The following WASF1 variants were observed in gnomAD, a reference collection of about 807,000 sequenced individuals.
WASF1 encodes WASP family member 1.
In WASF1, 7 loss-of-function variants were observed where a neutral mutation model predicts 50.5. The ratio of observed to expected loss-of-function variants is 0.14; its 90% CI spans 0.08 to 0.26. WASF1 has a LOEUF of 0.26. Among genes scored for constraint, WASF1 ranks in the 10% least tolerant of loss-of-function variants. WASF1 has a pLI of 1.00. For missense variants in WASF1, 470 were observed against 694.7 expected (o/e 0.68, Z 3.64); for synonymous variants, 205 against 244.0 (o/e 0.84, Z 1.49).
chr6:110,105,632 AAGG>A (rs1773289732), intron 7 of WASF1, 53 bp from the exon 8 acceptor site: 2 of 1,556,904 alleles, frequency 1.3e-6, no homozygotes, highest in African/African-American at 2.7e-5. Flanking sequence ...AATTTTTAAA[AAGG>A]AGGTTATAAC....
In WASF1 at chr6:110,141,619, C is replaced by T. The variant is rs140758240; in HGVS notation, c.-28-13990G>A. On this transcript the variant is annotated intron_variant, in intron 3 of 10. Coordinates refer to ENST00000392589, the MANE Select transcript of WASF1 (RefSeq NM_003931.3). ...TAGAAGGCAAAAATCTTGCCTTACT[C>T]GCCTTACTCAACTTGTATCTCCAAG... Among the ~76,000 whole-genome samples the T allele has an allele frequency of 1.0e-3, 159 of 152,236 alleles. 1 individual carries two copies. Among genetic ancestry groups the T allele is most frequent in the Non-Finnish European group, 1.8e-3 (123 of 68,018 alleles).
chr6:110,166,783 G>A (rs1307815132), intron 2 of WASF1, among the ~76,000 whole-genome samples: 1 of 151,918 alleles, frequency 6.6e-6, no homozygotes, highest in Non-Finnish European at 1.5e-5. Context: ...TCCCTCTGTG[G>A]CTAGTCCTGC....
At chr6:110,176,613 T>C (rs1776940241) in intron 2 of WASF1, among the ~76,000 whole-genome samples, 1 of 152,124 alleles carries the variant, frequency 6.6e-6, no homozygotes, top group South Asian at 2.1e-4. Context: ...ATTCAATGGA[T>C]ATTCTTTACC....
intron 6 of WASF1, 141 bp from the exon 7 acceptor site, chr6:110,107,335 G>T: frequency 1.8e-6 from 1 of 546,132 alleles, no homozygotes; most frequent in African/African-American, 2.0e-5. Context: ...ACTGAATATT[G>T]CACCAATAGA....
chr6:110,126,071 C>T (rs966875981), intron 4 of WASF1, among the ~76,000 whole-genome samples: 4 of 152,032 alleles, frequency 2.6e-5, no homozygotes, highest in African/African-American at 9.7e-5. Context: ...ATTACTAATG[C>T]CATTTCTATG....
At chr6:110,101,556 A>G (rs749970379) in intron 10 of WASF1, 32 bp downstream of exon 10, 6 of 1,577,396 alleles carry the variant, frequency 3.8e-6, no homozygotes. Flanking sequence ...ATGCTACTAT[A>G]GCAATGCTTT....
chr6:110,103,374 A>G lies in WASF1; in HGVS notation c.893+4T>C. 2.5e-6 allele frequency: 4 copies of G among 1,610,642 alleles called. No individual in the cohort carries two copies. The highest frequency in any genetic ancestry group is 1.3e-5 in the African/African-American group (1 of 74,948). On this transcript the variant is annotated splice_donor_region_variant and intron_variant, in intron 9 of 10. Coordinates refer to ENST00000392589, the MANE Select transcript of WASF1 (RefSeq NM_003931.3). ...TAAAACATCATATGCTTGTTCCAAC[A>G]TACCTGATACAGGTGGGTATCGGTT...
chr6:110,104,181 C>T (rs542268059), intron 8 of WASF1, among the ~76,000 whole-genome samples: 16 of 151,882 alleles, frequency 1.1e-4, no homozygotes, highest in Admixed American at 3.3e-4. Context: ...TTAGATAACT[C>T]GAACATGTTA....
In WASF1 at chr6:110,102,530, G is replaced by A. The variant is rs1773140102; in HGVS notation, c.894-314C>T. ...TAAAATGCTCAATTCTATACTGACAGGAGTCTCTATAATGACTCAACATTG... is the reference window on the plus strand; with the variant it reads ...TAAAATGCTCAATTCTATACTGACAAGAGTCTCTATAATGACTCAACATTG... On this transcript the variant is annotated intron_variant, in intron 9 of 10. Transcript: ENST00000392589. 2.0e-5 allele frequency among the ~76,000 whole-genome samples: 3 copies of A among 152,098 alleles called. No individual in the cohort carries two copies. The South Asian group carries it at 6.2e-4, about 32-fold the overall frequency.
At chr6:110,178,925 T>C (rs1337728206) in intron 1 of WASF1, among the ~76,000 whole-genome samples, 183 bp from the exon 2 acceptor site, 1 of 152,168 alleles carries the variant, frequency 6.6e-6, no homozygotes, top group African/African-American at 2.4e-5. Context: ...TCGCCTCCCC[T>C]TCCAACGAAG....
chr6:110,172,221 G>A (rs1776751679), intron 2 of WASF1, among the ~76,000 whole-genome samples: 1 of 152,128 alleles, frequency 6.6e-6, no homozygotes, highest in African/African-American at 2.4e-5. Context: ...CTACTATAAA[G>A]ACAAATGCAC....
At chr6:110,119,747 T>C (rs1427296543) in intron 4 of WASF1, among the ~76,000 whole-genome samples, 2 of 152,110 alleles carry the variant, frequency 1.3e-5, no homozygotes, top group East Asian at 1.9e-4. Context: ...AAAAAGAGAA[T>C]TTTAGGCCAA....
chr6:110,143,901 T>G (rs1170839561), intron 3 of WASF1, among the ~76,000 whole-genome samples: 1 of 152,238 alleles, frequency 6.6e-6, no homozygotes. Context: ...TTTGCTATTG[T>G]GAATAGTGCC....
At chr6:110,146,999 A>G (rs1226385029) in intron 3 of WASF1, among the ~76,000 whole-genome samples, 1 of 152,142 alleles carries the variant, frequency 6.6e-6, no homozygotes, top group East Asian at 1.9e-4. Flanking sequence ...CTTGGTTTAA[A>G]AAAAACTGCC....
At chr6:110,173,162 G>T (rs536274571) in intron 2 of WASF1, among the ~76,000 whole-genome samples, 1 of 152,012 alleles carries the variant, frequency 6.6e-6, no homozygotes, top group African/African-American at 2.4e-5. Context: ...TTTGGTAAAG[G>T]AATCAAACAA....
At chr6:110,122,953 G>T (rs1043647861) in intron 4 of WASF1, among the ~76,000 whole-genome samples, 8 of 151,024 alleles carry the variant, frequency 5.3e-5, no homozygotes, top group African/African-American at 1.7e-4. Context: ...ATGACAAAGT[G>T]GGGAAAAAAA....
intron 2 of WASF1, among the ~76,000 whole-genome samples, chr6:110,168,826 T>TC (rs930199910): frequency 4.6e-5 from 7 of 152,130 alleles, no homozygotes; most frequent in African/African-American, 1.7e-4. Context: ...TTCTACCCTA[T>TC]CCATTCATTG....
chr6:110,153,372 T>TA (rs1344361715), intron 3 of WASF1, among the ~76,000 whole-genome samples: 1 of 152,090 alleles, frequency 6.6e-6, no homozygotes, highest in Non-Finnish European at 1.5e-5. Context: ...TTATGGCAGA[T>TA]AAAAATAACT....
intron 9 of WASF1, 147 bp from the exon 10 acceptor site, chr6:110,102,363 G>T: frequency 9.3e-6 from 7 of 751,738 alleles, no homozygotes; most frequent in South Asian, 6.5e-5. Context: ...ATCTTCAACA[G>T]TATTTAGAAA....
Sources: allele counts gnomAD v4.1 joint callset (sites outside exome capture counted in the v4.1 genomes callset), GRCh38; gene constraint gnomAD v4.1.1; transcripts MANE v1.5; gene names NCBI Gene and HGNC (gene_info 2026-07-23, HGNC 2026-07-21).